Variants in AGMO observed in about 807,000 individuals in gnomAD.
AGMO encodes alkylglycerol monooxygenase.
AGMO carries 75 observed loss-of-function variants against 60.2 expected under a neutral mutation model. The ratio of observed to expected loss-of-function variants is 1.25; its 90% CI spans 1.03 to 1.51. AGMO has a LOEUF of 1.51. Ranked by LOEUF, AGMO falls within the 40% of genes most tolerant of loss-of-function variation. The pLI is 0.00. For missense variants in AGMO, 763 were observed against 525.5 expected (o/e 1.45, Z -4.42); for synonymous variants, 261 against 177.1 (o/e 1.47, Z -3.76).
intron 5 of AGMO, among the ~76,000 whole-genome samples, chr7:15,403,498 CTT>C (rs894388363): frequency 1.3e-5 from 2 of 151,716 alleles, no homozygotes; most frequent in Non-Finnish European, 1.5e-5. Flanking sequence ...TATTTATTAA[CTT>C]AAAGGTAGAA....
downstream of AGMO, among the ~76,000 whole-genome samples, chr7:15,198,251 G>GAGAGAGAGAGAC (rs1781183663): frequency 3.4e-4 from 25 of 74,296 alleles, no homozygotes; most frequent in African/African-American, 1.4e-3. Context: ...GAGAGAGAGA[G>GAGAGAGAGAGAC]AGAGACAGAG....
chr7:15,357,690 G>A (rs1366449059), intron 12 of AGMO, among the ~76,000 whole-genome samples: 1 of 152,200 alleles, frequency 6.6e-6, no homozygotes, highest in Admixed American at 6.5e-5. Flanking sequence ...ACTAGAGGGT[G>A]AGAGGCTATG....
At chr7:15,460,916 T>C (rs926536984) in intron 3 of AGMO, among the ~76,000 whole-genome samples, 1 of 152,232 alleles carries the variant, frequency 6.6e-6, no homozygotes, top group Non-Finnish European at 1.5e-5. Flanking sequence ...ATGATAGTTA[T>C]ATGATTCCTT....
At chr7:15,152,436 T>A in the AGMO span, among the ~76,000 whole-genome samples, 95 of 152,218 alleles carry the variant, frequency 6.2e-4, 1 homozygote, top group Non-Finnish European at 1.1e-3. Context: ...GGTGCACCCA[T>A]CACCCAAGCA....
chr7:15,213,390 C>G (rs1563037720), intron 12 of AGMO, among the ~76,000 whole-genome samples: 1 of 151,504 alleles, frequency 6.6e-6, no homozygotes, highest in Admixed American at 6.6e-5. Flanking sequence ...TCTCCAAGAT[C>G]TATTATCAGT....
At chr7:15,157,837 A>T in the AGMO span, among the ~76,000 whole-genome samples, 1 of 152,128 alleles carries the variant, frequency 6.6e-6, no homozygotes, top group Admixed American at 6.6e-5. Context: ...CAATAATTCC[A>T]TTTCTCTGAT....
chr7:15,306,373 G>A (rs895255515), intron 12 of AGMO: 1 of 334,452 alleles, frequency 3.0e-6, no homozygotes. Context: ...AGACCCCTTG[G>A]GGCTTACAAA....
chr7:15,360,445 T>C (rs1047505635), intron 12 of AGMO, among the ~76,000 whole-genome samples: 1 of 152,196 alleles, frequency 6.6e-6, no homozygotes, highest in South Asian at 2.1e-4. Flanking sequence ...TTAACACATA[T>C]TCTGTATGCT....
At chr7:15,185,907 AAG>A in the AGMO span, among the ~76,000 whole-genome samples, 6 of 152,232 alleles carry the variant, frequency 3.9e-5, no homozygotes, top group African/African-American at 1.2e-4. Flanking sequence ...CCAGTCTTCT[AAG>A]TATAGCTCTG....
intron 12 of AGMO, among the ~76,000 whole-genome samples, chr7:15,311,589 C>A (rs1780770978): frequency 6.6e-6 from 1 of 152,164 alleles, no homozygotes; most frequent in Admixed American, 6.6e-5. Flanking sequence ...TTTGGTAAAA[C>A]CTCCAGCTGC....
chr7:15,179,367 T>G, the AGMO span, among the ~76,000 whole-genome samples: 6 of 152,126 alleles, frequency 3.9e-5, no homozygotes, highest in Admixed American at 3.3e-4. Flanking sequence ...TTATCTACTT[T>G]CAGAATATAA....
chr7:15,366,215 G>C lies in AGMO; in HGVS notation c.1082C>G (p.Ser361Trp), dbSNP rs183233132. ...AACCCTCAGAAGGAGAGTAACTTGC[G>C]ACAGTGCCTGTCAAACAAACACGGA... is the stretch of plus-strand genomic sequence containing the variant. ...EETFADTAAL[S>W]QVTLLLRVCF... is the part of the protein sequence containing the mutation. Residue 361 changes from serine (S) to tryptophan (W), a missense_variant, in exon 11 of 13, where the codon TCG becomes TGG. Ser to Trp is a radical substitution (Grantham distance 177). Transcript: ENST00000342526. 3 of 1,602,982 alleles carry C rather than the reference G, an allele frequency of 1.9e-6. No individual in the cohort carries two copies. The highest frequency in any genetic ancestry group is 4.6e-5 in the East Asian group (2 of 43,892).
intron 12 of AGMO, among the ~76,000 whole-genome samples, chr7:15,355,036 C>T (rs1406315855): frequency 6.6e-6 from 1 of 151,946 alleles, no homozygotes; most frequent in African/African-American, 2.4e-5. Context: ...AGAGAAGATT[C>T]CTGCACTCAC....
the AGMO span, among the ~76,000 whole-genome samples, chr7:15,181,306 C>G: frequency 6.6e-6 from 1 of 152,138 alleles, no homozygotes; most frequent in South Asian, 2.1e-4. Context: ...TTTCAATTGA[C>G]TGTTATTTTA....
At chr7:15,349,561 C>A (rs917929637) in intron 12 of AGMO, among the ~76,000 whole-genome samples, 1 of 152,068 alleles carries the variant, frequency 6.6e-6, no homozygotes, top group Admixed American at 6.6e-5. Flanking sequence ...CCTCATTTCT[C>A]ACAGGTTCCT....
the AGMO span, among the ~76,000 whole-genome samples, chr7:15,182,405 C>T: frequency 1.3e-5 from 2 of 151,982 alleles, no homozygotes; most frequent in Non-Finnish European, 2.9e-5. Context: ...ATCAATAATA[C>T]ACTGTTTTTA....
At chr7:15,149,107 T>C in the AGMO span, among the ~76,000 whole-genome samples, 1 of 152,296 alleles carries the variant, frequency 6.6e-6, no homozygotes, top group African/African-American at 2.4e-5. Context: ...ATTTTCCATG[T>C]ATATGTCTTT....
At chr7:15,167,037 C>A in the AGMO span, among the ~76,000 whole-genome samples, 1 of 152,018 alleles carries the variant, frequency 6.6e-6, no homozygotes, top group Middle Eastern at 3.4e-3. Flanking sequence ...TGGGAAATTT[C>A]TAATAGTCTA....
chr7:15,390,896 C>T lies in AGMO; in HGVS notation c.686G>A (p.Arg229His), dbSNP rs148836202. 96 of 1,595,666 alleles carry T rather than the reference C, an allele frequency of 6.0e-5. No homozygotes were observed. The African/African-American group carries it at 9.4e-4, about 16-fold the overall frequency. Reference protein sequence around the residue: ...SHHRVHHGRNRYCIDKNYAGV... With the variant: ...SHHRVHHGRNHYCIDKNYAGV... ...AGCATAATTTTTGTCTATGCAATAA[C>T]GATTTCTGCCTATGAGACAAAATAT... The change falls in exon 7 of 13, where the codon CGT becomes CAT. Residue 229 changes from arginine (R) to histidine (H), a missense_variant. By Grantham distance (29) the Arg-to-His change is conservative. Coordinates refer to ENST00000342526, the MANE Select transcript of AGMO (RefSeq NM_001004320.2).
Sources: gnomAD v4.1 joint callset for allele counts (sites outside exome capture counted in the v4.1 genomes callset) on GRCh38, gnomAD v4.1.1 for gene constraint, MANE v1.5 for transcripts, NCBI Gene and HGNC (gene_info 2026-07-23, HGNC 2026-07-21) for gene names.